FLG: variants seen among roughly 807,000 people sequenced by gnomAD.
FLG encodes the protein filaggrin, also known as epidermal filaggrin.
A neutral mutation model predicts 3.8 loss-of-function variants in FLG; 6 were observed. That is an observed-to-expected ratio of 1.60 (90% CI 0.87 to 3.15). The LOEUF is 3.15. Among genes scored for constraint, FLG ranks in the 30% most tolerant of loss-of-function variants. The pLI is 0.00. For synonymous variants in FLG, 2,551 were observed against 1,931.6 expected, an observed-to-expected ratio of 1.32 and a Z score of -8.41; for missense variants, 7,595 against 5,050.9, an observed-to-expected ratio of 1.50 and a Z score of -15.27.
Position 152,308,710 on chromosome 1 carries a change from A to G in FLG, c.6176T>C (p.Val2059Ala), listed in dbSNP as rs771427301. 1.2e-6 allele frequency: 2 copies of G among 1,613,970 alleles called. No homozygotes were observed. Among genetic ancestry groups the G allele is most frequent in the South Asian group, 1.1e-5 (1 of 91,072 alleles). ...GHSEDSDTQS[V>A]SAQGKAGPHQ... ...GGGCCCAGCTTTTCCCTGTGCTGAC[A>G]CTGACTGTGTGTCTGAGTCTTCTGA... The change falls in exon 3 of 3, where the codon GTG becomes GCG. Residue 2059 changes from valine to alanine, a missense_variant. By Grantham distance (64) the Val-to-Ala change is moderately conservative. Transcript: ENST00000368799.
chr1:152,307,971 A>G lies in FLG; in HGVS notation c.6915T>C (p.His2305=), dbSNP rs757587083. 1 of 1,613,970 alleles carries G rather than the reference A, an allele frequency of 6.2e-7. No homozygotes were observed. The highest frequency in any genetic ancestry group is 1.3e-5 in the African/African-American group (1 of 74,864). Residue 2305 remains histidine, a synonymous_variant, in exon 3 of 3, where the codon CAT becomes CAC. Coordinates refer to ENST00000368799, the MANE Select transcript of FLG (RefSeq NM_002016.2). The part of the protein sequence containing the change: ...SAESSRQSGT[H]HAENSSGGQA... ...GTCCACCAGAGGAATTCTCTGCATGATGAGTGCCTGATTGTCTGGAGCTCT... is the reference window on the plus strand; with the variant it reads ...GTCCACCAGAGGAATTCTCTGCATGGTGAGTGCCTGATTGTCTGGAGCTCT...
chr1:152,302,586 T>G lies in FLG; in HGVS notation c.*114A>C, dbSNP rs1651676248. 2.9e-6 allele frequency: 4 copies of G among 1,380,170 alleles called. No homozygotes were observed. Among genetic ancestry groups the G allele is most frequent in the Non-Finnish European group, 2.9e-6 (3 of 1,019,066 alleles). The allele number at this position is 1,380,170 out of a possible 1,614,324, so 85.5% of individuals were successfully genotyped here. A position where few individuals can be genotyped will look rare whatever the true frequency, so the allele number is the denominator to read the frequency against. On this transcript the variant is annotated 3_prime_UTR_variant, in exon 3 of 3. Coordinates refer to ENST00000368799, the MANE Select transcript of FLG (RefSeq NM_002016.2). The stretch of plus-strand genomic sequence containing the variant: ...ACTAATGAAATACTATAGCATATTT[T>G]AAACAGATTGACAGGAAAAGATAAC...
In FLG at chr1:152,307,478, T is replaced by A. The variant is rs1652054921; in HGVS notation, c.7408A>T (p.Ser2470Cys). The A allele has an allele frequency of 2.5e-6, 4 of 1,613,278 alleles. No homozygotes were observed. In the East Asian group the frequency reaches 8.9e-5, roughly 36 times the overall value. ...DTIHGHPGSSSGGRQGSHYEQ... is the reference protein window; with the variant it reads ...DTIHGHPGSSCGGRQGSHYEQ... ...TAGTGGGATCCCTGCCTTCCTCCAC[T>A]GCTTGACCCCGGGTGTCCATGAATG... Residue 2470 changes from serine to cysteine, a missense_variant, in exon 3 of 3, where the codon AGT becomes TGT. Transcript: ENST00000368799.
chr1:152,309,463 T>G lies in FLG; in HGVS notation c.5423A>C (p.Glu1808Ala). The part of the protein sequence containing the change: ...RDSSRHSASQ[E>A]GQDTIRGHPG... ...GTGTCCACGAATGGTGTCCTGACCC[T>G]CTTGGGACGCTGAGTGCCTGGAGCT... is the stretch of plus-strand genomic sequence containing the variant. Residue 1808 changes from glutamate to alanine, a missense_variant, in exon 3 of 3, where the codon GAG becomes GCG. Transcript: ENST00000368799. The G allele has an allele frequency of 1.2e-6, 2 of 1,613,434 alleles. No individual in the cohort carries two copies. The highest frequency in any genetic ancestry group is 1.7e-6 in the Non-Finnish European group (2 of 1,179,934).
rs113544881 is a variant in FLG, at chr1:152,309,058, A to T, written c.5828T>A (p.Leu1943His). The change falls in exon 3 of 3, where the codon CTT becomes CAT. Residue 1943 changes from leucine to histidine, a missense_variant. Coordinates refer to ENST00000368799, the MANE Select transcript of FLG (RefSeq NM_002016.2). ...RWSGSASRNH[L>H]GSAWEQSRDG... ...TCTTGACTGCTCCCAAGCAGATCCA[A>T]GATGGTTTCTGGAAGCAGACCCAGA... 0.14 allele frequency: 202,620 copies of T among 1,478,416 alleles called. 3 individuals carry two copies. The highest frequency in any genetic ancestry group is 0.41 in the East Asian group (17,523 of 43,138). 91.6% of individuals were successfully genotyped at this position (1,478,416 alleles called of 1,614,324 possible).
In FLG at chr1:152,310,975, T is replaced by C. The variant is rs753932841; in HGVS notation, c.3911A>G (p.Asp1304Gly). The C allele has an allele frequency of 3.1e-6, 5 of 1,613,912 alleles. No homozygotes were observed. The East Asian group carries it at 1.1e-4, about 36-fold the overall frequency. Residue 1304 changes from aspartate to glycine, a missense_variant, in exon 3 of 3, where the codon GAT becomes GGT. Transcript: ENST00000368799. Reference protein sequence around the residue: ...HHGSSREQSRDGSRHPGFHQE... With the variant: ...HHGSSREQSRGGSRHPGFHQE... ...ATGGAACCCAGGGTGTCTGGAGCCA[T>C]CTCTTGACTGCTCCCGAGAAGATCC... is the stretch of plus-strand genomic sequence containing the variant.
rs199590366 is a variant in FLG, at chr1:152,309,651, C to T, written c.5235G>A (p.Gln1745=). 16 of 1,613,886 alleles carry T rather than the reference C, an allele frequency of 9.9e-6. No homozygotes were observed. Among genetic ancestry groups the T allele is most frequent in the Non-Finnish European group, 1.3e-5 (15 of 1,180,008 alleles). Residue 1745 remains glutamine, a synonymous_variant, in exon 3 of 3, where the codon CAG becomes CAA. Coordinates refer to ENST00000368799, the MANE Select transcript of FLG (RefSeq NM_002016.2). ...SAHGQAGPHQ[Q]SHQESTRGQS... The stretch of plus-strand genomic sequence containing the variant: ...GGCCACGTGTGGACTCTTGGTGGCT[C>T]TGCTGATGGGGCCCAGCCTGTCCGT...
Position 152,308,584 on chromosome 1 carries a change from T to A in FLG, c.6302A>T (p.Glu2101Val). 4 of 1,614,086 alleles carry A rather than the reference T, an allele frequency of 2.5e-6. No individual in the cohort carries two copies. The highest frequency in any genetic ancestry group is 3.4e-6 in the Non-Finnish European group (4 of 1,180,004). Residue 2101 changes from glutamate to valine, a missense_variant, in exon 3 of 3, where the codon GAG becomes GTG. By Grantham distance (121) the Glu-to-Val change is moderately radical (BLOSUM62 -2). Coordinates refer to ENST00000368799, the MANE Select transcript of FLG (RefSeq NM_002016.2). The stretch of plus-strand genomic sequence containing the variant: ...GGGCGCAGACTGTCCATGGGTGGAC[T>A]CAGACTGTTCATGAGTGCTCACCTG... ...LYQVSTHEQS[E>V]STHGQSAPST...
chr1:152,310,765 C>A lies in FLG; in HGVS notation c.4121G>T (p.Gly1374Val). ...SADSSRHSGI[G>V]HRQASSAVRD... ...GACTGCAGATGAAGCTTGTCTGTGC[C>A]CAATGCCTGAGTGTCTGGAGCTGTC... Residue 1374 changes from glycine to valine, a missense_variant, in exon 3 of 3, where the codon GGG becomes GTG. By Grantham distance (109) the Gly-to-Val change is moderately radical. Coordinates refer to ENST00000368799, the MANE Select transcript of FLG (RefSeq NM_002016.2). 1 of 1,613,820 alleles carries A rather than the reference C, an allele frequency of 6.2e-7. No individual in the cohort carries two copies. The highest frequency in any genetic ancestry group is 8.5e-7 in the Non-Finnish European group (1 of 1,179,944).
In FLG at chr1:152,308,121, A is replaced by G. The variant is rs3126077; in HGVS notation, c.6765T>C (p.Asp2255=). 3,312 of 1,479,868 alleles carry G rather than the reference A, an allele frequency of 2.2e-3. 45 individuals are homozygous for G. In the African/African-American group the frequency reaches 0.042, roughly 19 times the overall value. 91.7% of individuals were successfully genotyped at this position (1,479,868 alleles called of 1,614,324 possible). Reference sequence around the variant, plus strand: ...ACGCAGACCCAGACCGCCTCTCAGAATCTTCTGAGTGTCCCTCACTGTCAC... The same window carrying G: ...ACGCAGACCCAGACCGCCTCTCAGAGTCTTCTGAGTGTCCCTCACTGTCAC... ...QDSDSEGHSE[D]SERRSGSASR... is the part of the protein sequence containing the mutation. The change falls in exon 3 of 3, where the codon GAT becomes GAC. Residue 2255 remains aspartate (D), a synonymous_variant. Coordinates refer to ENST00000368799, the MANE Select transcript of FLG (RefSeq NM_002016.2).
rs534935170 is a variant in FLG, at chr1:152,305,094, G to C, written c.9792C>G (p.His3264Gln). 3.1e-6 allele frequency: 5 copies of C among 1,613,548 alleles called. No homozygotes were observed. Among genetic ancestry groups the C allele is most frequent in the Non-Finnish European group, 4.2e-6 (5 of 1,179,658 alleles). ...PRSHHEDRAGHGHSADRSRQS... is the reference protein window; with the variant it reads ...PRSHHEDRAGQGHSADRSRQS... ...GTCTGGAGCGGTCTGCAGAGTGCCCGTGACCGGCTCTGTCTTCGTGATGGG... is the reference window on the plus strand; with the variant it reads ...GTCTGGAGCGGTCTGCAGAGTGCCCCTGACCGGCTCTGTCTTCGTGATGGG... Residue 3264 changes from histidine (H) to glutamine (Q), a missense_variant, in exon 3 of 3, where the codon CAC (histidine) becomes CAG (glutamine). Transcript: ENST00000368799.
Position 152,302,580 on chromosome 1 carries a change from A to G in FLG, c.*120T>C. The G allele has an allele frequency of 7.8e-7, 1 of 1,273,986 alleles. No homozygotes were observed. The allele number at this position is 1,273,986 out of a possible 1,614,324, so 78.9% of individuals were successfully genotyped here. ...CACCAAACTAATGAAATACTATAGCATATTTTAAACAGATTGACAGGAAAA... is the reference window on the plus strand; with the variant it reads ...CACCAAACTAATGAAATACTATAGCGTATTTTAAACAGATTGACAGGAAAA... On this transcript the variant is annotated 3_prime_UTR_variant, in exon 3 of 3. Transcript: ENST00000368799.
Position 152,311,453 on chromosome 1 carries a change from G to A in FLG, c.3433C>T (p.His1145Tyr). The change falls in exon 3 of 3, where the codon CAC becomes TAC. Residue 1145 changes from histidine to tyrosine, a missense_variant. Coordinates refer to ENST00000368799, the MANE Select transcript of FLG (RefSeq NM_002016.2). The part of the protein sequence containing the change: ...RTSTGRRQGS[H>Y]HEQARDSSRH... ...GAGCTGTCTCGTGCCTGCTCGTGGT[G>A]GGATCCTTGTCTTCGTCCAGTGCTG... 1 of 1,613,926 alleles carries A rather than the reference G, an allele frequency of 6.2e-7. No individual in the cohort carries two copies.
Position 152,313,622 on chromosome 1 carries a change from C to T in FLG, c.1264G>A (p.Ala422Thr). 1.2e-6 allele frequency: 2 copies of T among 1,613,992 alleles called. No individual in the cohort carries two copies. The highest frequency in any genetic ancestry group is 8.5e-7 in the Non-Finnish European group (1 of 1,180,000). ...RGHRGSSGSQ[A>T]SDSEGHSENS... ...TCTGAATGTCCCTCACTGTCACTGG[C>T]CTGACTACCGCTAGACCCCCGGTGT... Residue 422 changes from alanine to threonine, a missense_variant, in exon 3 of 3, where the codon GCC becomes ACC. By Grantham distance (58) the Ala-to-Thr change is moderately conservative (BLOSUM62 0). Transcript: ENST00000368799.
Position 152,308,797 on chromosome 1 carries a change from G to T in FLG, c.6089C>A (p.Ala2030Glu), listed in dbSNP as rs750432891. The change falls in exon 3 of 3, where the codon GCA (alanine) becomes GAA (glutamate). Residue 2030 changes from alanine to glutamate, a missense_variant. Ala to Glu is a moderately radical substitution (Grantham distance 107). Transcript: ENST00000368799. ...SGIGHGQASS[A>E]VRDSGHRGYS... Reference sequence around the variant, plus strand: ...CCCTCGGTGTCCACTGTCTCTGACTGCAGATGAAGCTTGTCCATGCCCAAT... The same window carrying T: ...CCCTCGGTGTCCACTGTCTCTGACTTCAGATGAAGCTTGTCCATGCCCAAT... 6 of 1,614,164 alleles carry T rather than the reference G, an allele frequency of 3.7e-6. No homozygotes were observed. The Admixed American group carries it at 8.3e-5, about 22-fold the overall frequency.
intron 1 of FLG, among the ~76,000 whole-genome samples, chr1:152,324,869 A>C (rs1469941848): frequency 6.6e-6 from 1 of 151,794 alleles, no homozygotes; most frequent in Non-Finnish European, 1.5e-5. Context: ...CCCCCTATTA[A>C]AGGTAAGCTG....
rs747072444 is a variant in FLG at position 152,304,885 on chromosome 1, C to T, written c.10001G>A (p.Gly3334Glu). The change falls in exon 3 of 3, where the codon GGG (glycine) becomes GAG (glutamate). Residue 3334 changes from glycine to glutamate, a missense_variant. Transcript: ENST00000368799. ...SSAVRDSRHWGSSGSQASDSE... is the reference protein window; with the variant it reads ...SSAVRDSRHWESSGSQASDSE... ...ATCACTGGCCTGACTACCACTGGAC[C>T]CCCAGTGTCTACTGTCTCTGACTGC... 3 of 1,613,772 alleles carry T rather than the reference C, an allele frequency of 1.9e-6. No homozygotes were observed. Among genetic ancestry groups the T allele is most frequent in the East Asian group, 2.2e-5 (1 of 44,808 alleles).
Position 152,312,468 on chromosome 1 carries a change from G to A in FLG, c.2418C>T (p.Ser806=), listed in dbSNP as rs769198381. ...QVSTHKQSES[S]HGWTGPSTGV... is the part of the protein sequence containing the mutation. The stretch of plus-strand genomic sequence containing the variant: ...CAGTGCTGGGCCCTGTCCATCCATG[G>A]GAGGACTCAGACTGTTTATGAGTGC... The change falls in exon 3 of 3, where the codon TCC becomes TCT. Residue 806 remains serine, a synonymous_variant. Coordinates refer to ENST00000368799, the MANE Select transcript of FLG (RefSeq NM_002016.2). 5 of 1,613,470 alleles carry A rather than the reference G, an allele frequency of 3.1e-6. No individual in the cohort carries two copies. In the African/African-American group the frequency reaches 4.0e-5, roughly 13 times the overall value.
At position 152,324,155 on chromosome 1, in the gene FLG, G is replaced by C. The variant is rs189281263; in HGVS notation, c.-22+1034C>G. On this transcript the variant is annotated intron_variant, in intron 1 of 2. Transcript: ENST00000368799. ...TATTTCCATCATCTTTCACATAAAAGAATGCAGTCTCTCCCTGCTCCTGCT... is the reference window on the plus strand; with the variant it reads ...TATTTCCATCATCTTTCACATAAAACAATGCAGTCTCTCCCTGCTCCTGCT... Among the ~76,000 whole-genome samples, 57 of 151,876 alleles carry C rather than the reference G, an allele frequency of 3.8e-4. No homozygotes were observed. In the East Asian group the frequency reaches 4.1e-3, roughly 11 times the overall value.
Sources: allele counts gnomAD v4.1 joint callset (sites outside exome capture counted in the v4.1 genomes callset), GRCh38; gene constraint gnomAD v4.1.1; transcripts MANE v1.5; gene names NCBI Gene and HGNC (gene_info 2026-07-23, HGNC 2026-07-21).